MGLL: variants seen among roughly 807,000 people sequenced by gnomAD.
MGLL encodes monoglyceride lipase.
Under a neutral mutation model 29.1 loss-of-function variants are expected in MGLL, and 7 were observed. The ratio of observed to expected loss-of-function variants is 0.24; its 90% confidence interval spans 0.14 to 0.45. MGLL has a LOEUF of 0.45. Among genes scored for constraint, MGLL ranks in the 20% least tolerant of loss-of-function variants. The pLI is 0.99. For missense variants in MGLL, 356 were observed against 413.6 expected (o/e 0.86, Z 1.21); for synonymous variants, 148 against 168.3 (o/e 0.88, Z 0.93).
intron 5 of MGLL, among the ~76,000 whole-genome samples, chr3:127,718,289 A>C (rs2075854529): frequency 6.6e-6 from 1 of 152,140 alleles, no homozygotes; most frequent in South Asian, 2.1e-4. Flanking sequence ...GGCTTGATGG[A>C]TTGAACACTG....
intron 2 of MGLL, among the ~76,000 whole-genome samples, chr3:127,793,631 G>A (rs1201771616): frequency 1.3e-5 from 2 of 152,092 alleles, no homozygotes; most frequent in African/African-American, 2.4e-5. Flanking sequence ...GTGCAATCTC[G>A]GCTCACTGCA....
At chr3:127,729,951 G>A (rs981384768) in intron 3 of MGLL, among the ~76,000 whole-genome samples, 4 of 152,180 alleles carry the variant, frequency 2.6e-5, no homozygotes, top group Non-Finnish European at 5.9e-5. Context: ...GATCCATCCT[G>A]CCAACCTGTG....
chr3:127,735,990 C>G, intron 3 of MGLL: 1 of 1,422,268 alleles, frequency 7.0e-7, no homozygotes. Context: ...AGTTCCTTCA[C>G]GCTAAAAGCT....
chr3:127,758,389 CCAGCACCATGCCTGGAGTTGGTAACTGGG>C (rs2076701262), intron 3 of MGLL, among the ~76,000 whole-genome samples: 1 of 152,240 alleles, frequency 6.6e-6, no homozygotes, highest in Admixed American at 6.5e-5. Context: ...TCTCCTGTGC[CCAGCACCATGCCTGGAGTTGGTAACTGGG>C]CATCAAGCTA....
At chr3:127,786,654 A>C (rs1294411214) in intron 2 of MGLL, among the ~76,000 whole-genome samples, 1 of 152,170 alleles carries the variant, frequency 6.6e-6, no homozygotes, top group Non-Finnish European at 1.5e-5. Flanking sequence ...TCCATCGAAA[A>C]ACGAATGCCC....
intron 2 of MGLL, among the ~76,000 whole-genome samples, chr3:127,793,027 A>G (rs2077327089): frequency 6.6e-6 from 1 of 152,206 alleles, no homozygotes; most frequent in Non-Finnish European, 1.5e-5. Context: ...CTTGGGAGCA[A>G]TGATGTTGAT....
intron 4 of MGLL, 27 bp downstream of exon 4, chr3:127,722,403 A>G: frequency 6.2e-7 from 1 of 1,613,964 alleles, no homozygotes; most frequent in Admixed American, 1.7e-5. Context: ...GGGTGGATTT[A>G]ACCTGGGTCT....
chr3:127,816,654 G>C (rs1175045813), intron 2 of MGLL, among the ~76,000 whole-genome samples: 1 of 152,234 alleles, frequency 6.6e-6, no homozygotes, highest in Non-Finnish European at 1.5e-5. Flanking sequence ...AGGTAAACTG[G>C]CATAGATGGG....
At chr3:127,733,124 C>T (rs1458192031) in intron 3 of MGLL, among the ~76,000 whole-genome samples, 1 of 152,138 alleles carries the variant, frequency 6.6e-6, no homozygotes, top group Non-Finnish European at 1.5e-5. Flanking sequence ...CTGATAAAAC[C>T]GGTTGCAGTA....
At position 127,689,164 on chromosome 3, in the gene MGLL, G is replaced by T. The variant is rs1199645792; in HGVS notation, c.*3034C>A. On this transcript the variant is annotated 3_prime_UTR_variant, in exon 8 of 8. Transcript: ENST00000265052. ...GTGCCCCGCAGACAGTATACACGCA[G>T]GGATGTGACTGAGCCACAGTGACAT... The T allele has an allele frequency of 6.6e-6, 1 of 152,276 alleles. No individual in the cohort carries two copies. The highest frequency in any genetic ancestry group is 1.5e-5 in the Non-Finnish European group (1 of 68,062). 9.4% of individuals were successfully genotyped at this position (152,276 alleles called of 1,614,324 possible).
At position 127,701,681 on chromosome 3, in the gene MGLL, T is replaced by C. The variant is rs146519373; in HGVS notation, c.601-6491A>G. Among the ~76,000 whole-genome samples the C allele has an allele frequency of 6.6e-5, 10 of 152,210 alleles. No individual in the cohort carries two copies. In the East Asian group the frequency reaches 1.9e-3, roughly 29 times the overall value. On this transcript the variant is annotated intron_variant, in intron 6 of 7. Transcript: ENST00000265052. ...CTTGGCTGCCTGTGGAGTTTCTCCC[T>C]CCCTATCAACCCTCGGCTCAGCTGC...
rs556914566 is a variant in MGLL at position 127,765,281 on chromosome 3, G to A, written c.262+16508C>T. Among the ~76,000 whole-genome samples the A allele has an allele frequency of 1.7e-4, 26 of 152,304 alleles. No homozygotes were observed. The South Asian group carries it at 5.4e-3, about 32-fold the overall frequency. On this transcript the variant is annotated intron_variant, in intron 3 of 7. Transcript: ENST00000265052. Reference sequence around the variant, plus strand: ...GCTTCTTCTGGGGACCTAGAGTGATGTCTGTTTTCTTCTCACCAGGAAACC... The same window carrying A: ...GCTTCTTCTGGGGACCTAGAGTGATATCTGTTTTCTTCTCACCAGGAAACC...
At chr3:127,734,615 T>A (rs555549650) in intron 3 of MGLL, among the ~76,000 whole-genome samples, 38 of 152,308 alleles carry the variant, frequency 2.5e-4, no homozygotes, top group African/African-American at 8.4e-4. Flanking sequence ...ACCAACTCCA[T>A]TAAAAGATGA....
At chr3:127,801,762 T>G (rs1261717073) in intron 2 of MGLL, among the ~76,000 whole-genome samples, 2 of 148,558 alleles carry the variant, frequency 1.3e-5, no homozygotes, top group African/African-American at 4.9e-5. Flanking sequence ...TTATGTATTT[T>G]AAAATATGTA....
At position 127,689,169 on chromosome 3, in the gene MGLL, G is replaced by C. The variant is rs1461883401; in HGVS notation, c.*3029C>G. 6.6e-6 allele frequency: 1 copy of C among 152,276 alleles called. No homozygotes were observed. Among genetic ancestry groups the C allele is most frequent in the Non-Finnish European group, 1.5e-5 (1 of 68,076 alleles). 9.4% of individuals were successfully genotyped at this position (152,276 alleles called of 1,614,324 possible). A position where few individuals can be genotyped will look rare whatever the true frequency, so the allele number is the denominator to read the frequency against. On this transcript the variant is annotated 3_prime_UTR_variant, in exon 8 of 8. Coordinates refer to ENST00000265052, the MANE Select transcript of MGLL (RefSeq NM_007283.7). ...CCGCAGACAGTATACACGCAGGGAT[G>C]TGACTGAGCCACAGTGACATAGCAA...
chr3:127,820,370 A>T (rs2077837652), intron 2 of MGLL, among the ~76,000 whole-genome samples: 1 of 151,640 alleles, frequency 6.6e-6, no homozygotes, highest in African/African-American at 2.4e-5. Flanking sequence ...TTTCTAACCC[A>T]CTCACCCACC....
intron 7 of MGLL, among the ~76,000 whole-genome samples, chr3:127,693,753 G>C (rs1414722700): frequency 6.6e-6 from 1 of 152,194 alleles, no homozygotes; most frequent in African/African-American, 2.4e-5. Context: ...GGTTCCGGGG[G>C]GGCAGGGCAG....
Position 127,790,341 on chromosome 3 carries a change from C to T in MGLL, c.156-8446G>A, listed in dbSNP as rs1477359174. Among the ~76,000 whole-genome samples, 6 of 152,214 alleles carry T rather than the reference C, an allele frequency of 3.9e-5. No individual in the cohort carries two copies. The East Asian group carries it at 5.8e-4, about 15-fold the overall frequency. ...CTCCCCAGGTGTGATCTCAGCATTA[C>T]GTAACATTCTAAGCCATTTGACAGA... On this transcript the variant is annotated intron_variant, in intron 2 of 7. Transcript: ENST00000265052.
At chr3:127,728,071 C>A (rs556356931) in intron 3 of MGLL, among the ~76,000 whole-genome samples, 1 of 152,238 alleles carries the variant, frequency 6.6e-6, no homozygotes, top group African/African-American at 2.4e-5. Context: ...AATTAAATTT[C>A]TTTCCATTTG....
Sources: allele counts gnomAD v4.1 joint callset (sites outside exome capture counted in the v4.1 genomes callset), GRCh38; gene constraint gnomAD v4.1.1; transcripts MANE v1.5; gene names NCBI Gene and HGNC (gene_info 2026-07-23, HGNC 2026-07-21).